FAM169A: variants seen among roughly 807,000 people sequenced by gnomAD.
FAM169A encodes soluble lamin-associated protein of 75 kDa.
A neutral mutation model predicts 75.7 loss-of-function variants in FAM169A; 24 were observed. The ratio of observed to expected loss-of-function variants is 0.32; its 90% CI spans 0.23 to 0.45. The LOEUF (loss-of-function observed/expected upper bound fraction) is 0.45. Among genes scored for constraint, FAM169A ranks in the 20% least tolerant of loss-of-function variants. The pLI is 1.00. For missense variants in FAM169A, 673 were observed against 784.0 expected (o/e 0.86, Z 1.69); for synonymous variants, 271 against 271.0 (o/e 1.00, Z 0.00).
intron 6 of FAM169A, among the ~76,000 whole-genome samples, chr5:74,808,141 A>G (rs1483527150): frequency 6.6e-6 from 1 of 152,222 alleles, no homozygotes; most frequent in Non-Finnish European, 1.5e-5. Context: ...AAAGAAATGA[A>G]AGCAGAGACT....
chr5:74,864,248 A>C (rs1750190310), intron 1 of FAM169A, among the ~76,000 whole-genome samples: 2 of 152,200 alleles, frequency 1.3e-5, no homozygotes, highest in Admixed American at 1.3e-4. Flanking sequence ...TATATATTCC[A>C]TCTTGGTGTT....
chr5:74,851,667 T>C (rs1242829709), intron 1 of FAM169A, among the ~76,000 whole-genome samples: 1 of 152,204 alleles, frequency 6.6e-6, no homozygotes, highest in Non-Finnish European at 1.5e-5. Flanking sequence ...AGTAAAGTAA[T>C]ACATTTGCCT....
At chr5:74,852,367 T>C (rs1196579276) in intron 1 of FAM169A, among the ~76,000 whole-genome samples, 2 of 152,098 alleles carry the variant, frequency 1.3e-5, no homozygotes, top group African/African-American at 4.8e-5. Context: ...GGTGGGCTTA[T>C]TTACCCAGAT....
intron 11 of FAM169A, among the ~76,000 whole-genome samples, chr5:74,787,847 T>C (rs1037270546): frequency 6.6e-6 from 1 of 151,980 alleles, no homozygotes; most frequent in Admixed American, 6.6e-5. Context: ...GTGGAAAACT[T>C]CCAGGTCGAG....
chr5:74,828,433 T>C (rs1044775062), intron 5 of FAM169A, among the ~76,000 whole-genome samples: 1 of 152,110 alleles, frequency 6.6e-6, no homozygotes, highest in Non-Finnish European at 1.5e-5. Context: ...ATACCTTCAT[T>C]TTGTAAAATG....
At chr5:74,820,880 A>G (rs1747734147) in intron 5 of FAM169A, among the ~76,000 whole-genome samples, 1 of 152,164 alleles carries the variant, frequency 6.6e-6, no homozygotes, top group African/African-American at 2.4e-5. Flanking sequence ...CTCCTAATCC[A>G]TATCAATCAC....
chr5:74,795,223 A>G (rs1315906196), intron 11 of FAM169A, among the ~76,000 whole-genome samples: 1 of 152,202 alleles, frequency 6.6e-6, no homozygotes, highest in Non-Finnish European at 1.5e-5. Context: ...ACGCCACTGC[A>G]CTCCAGCCTG....
At chr5:74,835,961 G>A (rs1748552899) in intron 4 of FAM169A, among the ~76,000 whole-genome samples, 1 of 152,164 alleles carries the variant, frequency 6.6e-6, no homozygotes, top group Non-Finnish European at 1.5e-5. Context: ...AAATTTCACA[G>A]CAATGTTAAA....
chr5:74,841,955 A>G (rs1748889015), intron 1 of FAM169A, among the ~76,000 whole-genome samples: 3 of 152,168 alleles, frequency 2.0e-5, no homozygotes, highest in Admixed American at 1.3e-4. Context: ...GGCATAAGAC[A>G]TATTTATATG....
chr5:74,866,392 C>T (rs1473864545), upstream of FAM169A: 23 of 983,656 alleles, frequency 2.3e-5, no homozygotes, highest in Non-Finnish European at 2.4e-5. Context: ...CGCACTAGCG[C>T]CGCAGCGCCT....
At chr5:74,845,774 A>G (rs1324100527) in intron 1 of FAM169A, among the ~76,000 whole-genome samples, 1 of 152,246 alleles carries the variant, frequency 6.6e-6, no homozygotes, top group African/African-American at 2.4e-5. Context: ...GAATTTCAAG[A>G]GAGATCAACC....
chr5:74,837,907 C>T (rs1306776470), intron 4 of FAM169A, among the ~76,000 whole-genome samples: 2 of 151,888 alleles, frequency 1.3e-5, no homozygotes, highest in Non-Finnish European at 2.9e-5. Flanking sequence ...CACTTGAAGT[C>T]GGGAGTTCGA....
chr5:74,825,120 T>C (rs886897674), intron 5 of FAM169A, among the ~76,000 whole-genome samples: 4 of 152,152 alleles, frequency 2.6e-5, no homozygotes. Context: ...TGATTTCCCT[T>C]AATAATATTT....
At position 74,780,338 on chromosome 5, in the gene FAM169A, T is replaced by C. The variant is rs1333903271; in HGVS notation, c.*1122A>G. The C allele has an allele frequency of 6.6e-6, 1 of 152,162 alleles. No individual in the cohort carries two copies. Among genetic ancestry groups the C allele is most frequent in the Non-Finnish European group, 1.5e-5 (1 of 68,048 alleles). 9.4% of individuals were successfully genotyped at this position (152,162 alleles called of 1,614,324 possible). A position where few individuals can be genotyped will look rare whatever the true frequency, so the allele number is the denominator to read the frequency against. ...TTACTCCTGCCATATAGGTCTAACA[T>C]TGTGGGGTGCACCTCCAAACCTACC... On this transcript the variant is annotated 3_prime_UTR_variant, in exon 13 of 13. Transcript: ENST00000687041.
At chr5:74,808,255 T>C (rs544210080) in intron 6 of FAM169A, among the ~76,000 whole-genome samples, 54 of 152,106 alleles carry the variant, frequency 3.6e-4, no homozygotes, top group African/African-American at 1.2e-3. Context: ...CAAAACAAAA[T>C]ACTGTATATT....
intron 1 of FAM169A, among the ~76,000 whole-genome samples, chr5:74,848,357 G>C (rs1364935610): frequency 6.6e-6 from 1 of 152,028 alleles, no homozygotes; most frequent in Non-Finnish European, 1.5e-5. Context: ...CAAGAGACTT[G>C]ACTAACATCA....
rs752448474 is a variant in FAM169A, at chr5:74,801,636, A to G, written c.913-7T>C. On this transcript the variant is annotated splice_region_variant and splice_polypyrimidine_tract_variant and intron_variant, in intron 8 of 12. Coordinates refer to ENST00000687041, the MANE Select transcript of FAM169A (RefSeq NM_001376049.1). ...CATCTTTTAGAGAATCAATCTAAAA[A>G]AGAGAGAGATTCAAACCCAAAGTTT... 3.1e-6 allele frequency: 5 copies of G among 1,607,392 alleles called. No individual in the cohort carries two copies. The Admixed American group carries it at 5.1e-5, about 16-fold the overall frequency.
intron 11 of FAM169A, among the ~76,000 whole-genome samples, chr5:74,789,051 G>A (rs1051070088): frequency 1.2e-4 from 18 of 152,194 alleles, no homozygotes; most frequent in Non-Finnish European, 1.5e-4. Context: ...AGCAATTTGC[G>A]TTCGGCTGGC....
At chr5:74,799,334 G>T in intron 10 of FAM169A, 1 of 1,607,244 alleles carries the variant, frequency 6.2e-7, no homozygotes, top group Non-Finnish European at 8.5e-7. Context: ...TTTGCTGTGG[G>T]AAGTGAAGCA....
Sources: gnomAD v4.1 joint callset for allele counts (sites outside exome capture counted in the v4.1 genomes callset) on GRCh38, gnomAD v4.1.1 for gene constraint, MANE v1.5 for transcripts, NCBI Gene and HGNC (gene_info 2026-07-23, HGNC 2026-07-21) for gene names.